The following TXNDC12 variants were observed in gnomAD, a reference collection of about 807,000 sequenced individuals.
TXNDC12 encodes the protein thioredoxin domain containing 12.
TXNDC12 carries 22 observed loss-of-function variants against 24.2 expected under a neutral mutation model. The observed-to-expected ratio is 0.91, with a 90% CI of 0.65 to 1.30. The LOEUF (loss-of-function observed/expected upper bound fraction) is 1.30, where lower values mean the gene tolerates loss of function less well. TXNDC12 is among the 50% of genes most tolerant of loss of function. TXNDC12 has a pLI of 0.00. For missense variants in TXNDC12, 184 were observed against 205.8 expected, an observed-to-expected ratio of 0.89 and a Z score of 0.65; for synonymous variants, 58 against 73.4, an observed-to-expected ratio of 0.79 and a Z score of 1.07.
At chr1:52,021,560 CAAAAAAAAAA>C (rs901244160) in intron 6 of TXNDC12, among the ~76,000 whole-genome samples, 2 of 55,720 alleles carry the variant, frequency 3.6e-5, no homozygotes, top group Non-Finnish European at 7.8e-5. Context: ...GTTCTCAGGC[CAAAAAAAAAA>C]AAAAAAAAAA....
At chr1:52,033,180 T>A (rs889738684) in intron 2 of TXNDC12, 1 of 1,614,074 alleles carries the variant, frequency 6.2e-7, no homozygotes, top group African/African-American at 1.3e-5. Flanking sequence ...GCTTTGCAGA[T>A]TTCTCTGAAT....
intron 4 of TXNDC12, among the ~76,000 whole-genome samples, chr1:52,026,192 C>T (rs1685669525): frequency 6.6e-6 from 1 of 152,118 alleles, no homozygotes; most frequent in African/African-American, 2.4e-5. Flanking sequence ...ATCTGAGTAC[C>T]TCACATGTGA....
intron 2 of TXNDC12, among the ~76,000 whole-genome samples, chr1:52,037,861 A>T (rs1685914261): frequency 6.6e-6 from 1 of 152,000 alleles, no homozygotes; most frequent in Admixed American, 6.6e-5. Context: ...TTTTTGCACA[A>T]AAGAGTAGAG....
At chr1:52,049,479 G>A (rs1254795648) in intron 1 of TXNDC12, among the ~76,000 whole-genome samples, 1 of 152,104 alleles carries the variant, frequency 6.6e-6, no homozygotes, top group Non-Finnish European at 1.5e-5. Context: ...CCAACTACTT[G>A]GGAGGCTGAG....
intron 1 of TXNDC12, chr1:52,051,039 G>A (rs1438955215): frequency 5.9e-6 from 1 of 169,234 alleles, no homozygotes; most frequent in Non-Finnish European, 1.5e-5. Context: ...CCTCATTTGA[G>A]GTTTTTTCAT....
rs537769086 is a variant in TXNDC12 at position 52,055,115 on chromosome 1, C to A, written c.-19G>T. On this transcript the variant is annotated 5_prime_UTR_variant, in exon 1 of 7. Coordinates refer to ENST00000371626, the MANE Select transcript of TXNDC12 (RefSeq NM_015913.4). ...TCTCCATGGCAGTAGGTGCGCGGGG[C>A]CACGGGGCTGAGCGGACGCAGGGCC... 235 of 1,597,484 alleles carry A rather than the reference C, an allele frequency of 1.5e-4. No individual in the cohort carries two copies. Among genetic ancestry groups the A allele is most frequent in the Non-Finnish European group, 1.9e-4 (222 of 1,165,282 alleles).
chr1:52,031,581 CT>C (rs2124366831), intron 2 of TXNDC12, among the ~76,000 whole-genome samples: 1 of 152,056 alleles, frequency 6.6e-6, no homozygotes, highest in African/African-American at 2.4e-5. Context: ...CAACCTCCAC[CT>C]CCCAGGTTCA....
At chr1:52,024,299 T>C (rs1275513195) in intron 5 of TXNDC12, among the ~76,000 whole-genome samples, 1 of 152,226 alleles carries the variant, frequency 6.6e-6, no homozygotes, top group African/African-American at 2.4e-5. Flanking sequence ...GCCAAACTTT[T>C]GTCATTGCTT....
intron 1 of TXNDC12, chr1:52,052,419 G>A (rs931295796): frequency 5.9e-6 from 1 of 169,154 alleles, no homozygotes; most frequent in African/African-American, 2.4e-5. Context: ...TACTGTGGAA[G>A]TGATGCTATG....
At chr1:52,021,347 T>C (rs560533084) in intron 6 of TXNDC12, among the ~76,000 whole-genome samples, 1 of 152,140 alleles carries the variant, frequency 6.6e-6, no homozygotes, top group East Asian at 1.9e-4. Context: ...TCCCCTGTCC[T>C]AGACTGTAGA....
At chr1:52,034,913 G>A (rs935049265) in intron 2 of TXNDC12, among the ~76,000 whole-genome samples, 5 of 151,936 alleles carry the variant, frequency 3.3e-5, no homozygotes, top group South Asian at 2.1e-4. Context: ...ATGGGTGTGC[G>A]CCACCATATC....
At chr1:52,035,299 G>A (rs529423516) in intron 2 of TXNDC12, among the ~76,000 whole-genome samples, 1 of 152,302 alleles carries the variant, frequency 6.6e-6, no homozygotes, top group South Asian at 2.1e-4. Context: ...CCACTTACTA[G>A]TGTTGTAACT....
intron 2 of TXNDC12, chr1:52,033,394 T>C (rs761991453): frequency 1.2e-6 from 2 of 1,612,496 alleles, no homozygotes; most frequent in Non-Finnish European, 1.7e-6. Context: ...AGGGTTCTCG[T>C]TCGCGCCCGC....
intron 1 of TXNDC12, among the ~76,000 whole-genome samples, chr1:52,043,553 T>C (rs532619268): frequency 2.0e-4 from 30 of 152,260 alleles, no homozygotes; most frequent in Non-Finnish European, 3.8e-4. Flanking sequence ...CTCTGTATGC[T>C]TGTTTTCTCA....
At chr1:52,053,284 G>GA (rs1686255456) in intron 1 of TXNDC12, among the ~76,000 whole-genome samples, 1 of 151,648 alleles carries the variant, frequency 6.6e-6, no homozygotes, top group South Asian at 2.1e-4. Context: ...CAAACAAACA[G>GA]AAAAAACAGC....
chr1:52,033,193 G>A (rs746173933), intron 2 of TXNDC12: 2 of 1,614,102 alleles, frequency 1.2e-6, no homozygotes, highest in African/African-American at 2.7e-5. Flanking sequence ...CTCTGAATCC[G>A]GAGTCACAAG....
At position 52,020,434 on chromosome 1, in the gene TXNDC12, G is replaced by A. The variant is rs1685575660; in HGVS notation, c.*499C>T. The A allele has an allele frequency of 7.7e-6, 2 of 259,514 alleles. No individual in the cohort carries two copies. The highest frequency in any genetic ancestry group is 1.5e-5 in the Non-Finnish European group (2 of 130,804). The allele number at this position is 259,514 out of a possible 1,614,324, so 16.1% of individuals were successfully genotyped here. A position where few individuals can be genotyped will look rare whatever the true frequency, so the allele number is the denominator to read the frequency against. ...CCCAGGAGAAAAAAGGGAAAAAACA[G>A]GCTGATATCCTTGGTAGGGGGTAGA... On this transcript the variant is annotated 3_prime_UTR_variant, in exon 7 of 7. Transcript: ENST00000371626.
Position 52,033,407 on chromosome 1 carries a change from C to T in TXNDC12, c.159-4777G>A, listed in dbSNP as rs372478725. On this transcript the variant is annotated intron_variant, in intron 2 of 6. Coordinates refer to ENST00000371626, the MANE Select transcript of TXNDC12 (RefSeq NM_015913.4). Reference sequence around the variant, plus strand: ...CCAGGGTTCTCGTTCGCGCCCGCCACCTGAGGTCCCGCGATCGGGCCGCCG... The same window carrying T: ...CCAGGGTTCTCGTTCGCGCCCGCCATCTGAGGTCCCGCGATCGGGCCGCCG... 4 of 1,451,254 alleles carry T rather than the reference C, an allele frequency of 2.8e-6. No individual in the cohort carries two copies. In the African/African-American group the frequency reaches 6.0e-5, roughly 22 times the overall value. The allele number at this position is 1,451,254 out of a possible 1,614,324, so 89.9% of individuals were successfully genotyped here. A position where few individuals can be genotyped will look rare whatever the true frequency, so the allele number is the denominator to read the frequency against.
At chr1:52,041,073 C>T (rs1278142528) in intron 2 of TXNDC12, among the ~76,000 whole-genome samples, 1 of 151,838 alleles carries the variant, frequency 6.6e-6, no homozygotes, top group African/African-American at 2.4e-5. Context: ...TGGCTCACGC[C>T]TGTAATCCCA....
Sources: gnomAD v4.1 joint callset for allele counts (sites outside exome capture counted in the v4.1 genomes callset) on GRCh38, gnomAD v4.1.1 for gene constraint, MANE v1.5 for transcripts, NCBI Gene and HGNC (gene_info 2026-07-23, HGNC 2026-07-21) for gene names.